The following ADARB2 variants were observed in gnomAD, a reference collection of about 807,000 sequenced individuals.
ADARB2 encodes adenosine deaminase RNA specific B2 (inactive), also known as inactive double-stranded RNA-specific editase B2.
Under a neutral mutation model 62.2 loss-of-function variants are expected in ADARB2, and 25 were observed. The observed-to-expected ratio is 0.40, with a 90% CI of 0.29 to 0.56. The LOEUF (loss-of-function observed/expected upper bound fraction) is 0.56. Among genes scored for constraint, ADARB2 ranks in the 20% least tolerant of loss-of-function variants. The pLI, the probability that ADARB2 is intolerant of heterozygous loss-of-function variation, is 0.43. For synonymous variants in ADARB2, 572 were observed against 500.8 expected, an observed-to-expected ratio of 1.14 and a Z score of -1.90; for missense variants, 1,071 against 1,077.4, an observed-to-expected ratio of 0.99 and a Z score of 0.08.
chr10:1,263,060 T>G lies in ADARB2; in HGVS notation c.1192+7895A>C, dbSNP rs1385363295. On this transcript the variant is annotated intron_variant, in intron 4 of 9. Transcript: ENST00000381312. ...AAAACCAAACACTGCATGTTCTCAC[T>G]CATAGGTGGGAATTGAACAATGAGA... Among the ~76,000 whole-genome samples, 6 of 141,508 alleles carry G rather than the reference T, an allele frequency of 4.2e-5. No homozygotes were observed. In the East Asian group the frequency reaches 1.3e-3, roughly 30 times the overall value. 92.8% of individuals were successfully genotyped at this position (141,508 alleles called of 152,430 possible).
chr10:1,387,720 G>T (rs764225655), intron 1 of ADARB2, among the ~76,000 whole-genome samples: 1 of 152,020 alleles, frequency 6.6e-6, no homozygotes, highest in African/African-American at 2.4e-5. Context: ...CTAGAAAAAT[G>T]GAAGGGGGTG....
At chr10:1,369,125 G>T (rs556423449) in intron 2 of ADARB2, among the ~76,000 whole-genome samples, 1 of 152,110 alleles carries the variant, frequency 6.6e-6, no homozygotes, top group South Asian at 2.1e-4. Context: ...CCTTCCACAC[G>T]GAAGGTATTA....
chr10:1,560,768 G>C (rs1224940298), intron 1 of ADARB2, among the ~76,000 whole-genome samples: 1 of 152,246 alleles, frequency 6.6e-6, no homozygotes, highest in Non-Finnish European at 1.5e-5. Context: ...CCAGGGACTT[G>C]TGGACGGTCA....
chr10:1,504,957 CAT>C (rs1268776763), intron 1 of ADARB2, among the ~76,000 whole-genome samples: 1 of 151,958 alleles, frequency 6.6e-6, no homozygotes, highest in Non-Finnish European at 1.5e-5. Context: ...CAGAGACACA[CAT>C]GACACACACA....
chr10:1,540,192 C>CACA (rs1003542438), intron 1 of ADARB2, among the ~76,000 whole-genome samples: 40 of 151,838 alleles, frequency 2.6e-4, no homozygotes, highest in African/African-American at 9.7e-4. Flanking sequence ...TCTTGGCTGA[C>CACA]ACATGTGTTT....
chr10:1,561,296 CAT>C (rs1386100470), intron 1 of ADARB2, among the ~76,000 whole-genome samples: 1 of 152,198 alleles, frequency 6.6e-6, no homozygotes, highest in East Asian at 1.9e-4. Context: ...GACTGGATGT[CAT>C]AGACCCAGAC....
Position 1,322,005 on chromosome 10 carries a change from C to G in ADARB2, c.1077+41023G>C, listed in dbSNP as rs1589191613. On this transcript the variant is annotated intron_variant, in intron 3 of 9. Transcript: ENST00000381312. ...CACAGAAGACACAGAAATGCTCCCT[C>G]TGCATTGTTTCCATCCTGCCTCCTC... 2.6e-5 allele frequency among the ~76,000 whole-genome samples: 4 copies of G among 152,152 alleles called. No homozygotes were observed. In the South Asian group the frequency reaches 8.3e-4, roughly 32 times the overall value.
chr10:1,528,128 C>T (rs4880859), intron 1 of ADARB2, among the ~76,000 whole-genome samples: 34,415 of 152,096 alleles, frequency 0.23, 4,054 homozygotes, highest in Non-Finnish European at 0.25. Flanking sequence ...AACTCGTGTC[C>T]GCGGCTGTGG....
chr10:1,612,969 G>A lies in ADARB2; in HGVS notation c.100+124082C>T, dbSNP rs376125408. ...TATAGTGTCTGAAGTTTTGATGAAA[G>A]CTGTTGATAATGGGTTGTGAACAAG... is the stretch of plus-strand genomic sequence containing the variant. On this transcript the variant is annotated intron_variant, in intron 1 of 9. Transcript: ENST00000381312. Among the ~76,000 whole-genome samples, 3 of 152,208 alleles carry A rather than the reference G, an allele frequency of 2.0e-5. No homozygotes were observed. In the East Asian group the frequency reaches 5.8e-4, roughly 29 times the overall value.
chr10:1,735,458 C>G (rs1835289046), intron 1 of ADARB2, among the ~76,000 whole-genome samples: 1 of 152,154 alleles, frequency 6.6e-6, no homozygotes, highest in Non-Finnish European at 1.5e-5. Flanking sequence ...ACTCCACATT[C>G]TTCAACTCTA....
intron 1 of ADARB2, among the ~76,000 whole-genome samples, chr10:1,506,248 G>T (rs1451049820): frequency 6.6e-6 from 1 of 152,106 alleles, no homozygotes; most frequent in African/African-American, 2.4e-5. Flanking sequence ...TTTGAATTTT[G>T]TCGTGCGGCT....
intron 1 of ADARB2, among the ~76,000 whole-genome samples, chr10:1,650,605 C>T (rs527552571): frequency 6.6e-6 from 1 of 152,322 alleles, no homozygotes; most frequent in Non-Finnish European, 1.5e-5. Context: ...TGCTATCGGT[C>T]CGTGAAAGGT....
At position 1,515,275 on chromosome 10, in the gene ADARB2, C is replaced by T. The variant is rs375594818; in HGVS notation, c.101-136115G>A. ...GGGCAGGCGGGCACACAGTGTGGCT[C>T]GTGCCTGGATCCCCCGCTGGGAACC... is the stretch of plus-strand genomic sequence containing the variant. On this transcript the variant is annotated intron_variant, in intron 1 of 9. Transcript: ENST00000381312. Among the ~76,000 whole-genome samples, 102 of 152,322 alleles carry T rather than the reference C, an allele frequency of 6.7e-4. 1 individual carries two copies. The South Asian group carries it at 0.018, about 27-fold the overall frequency.
chr10:1,305,333 C>T (rs1457289617), intron 3 of ADARB2, among the ~76,000 whole-genome samples: 2 of 151,892 alleles, frequency 1.3e-5, no homozygotes. Flanking sequence ...ACACATACAT[C>T]CTCCCAAGAC....
chr10:1,505,687 TTCCGTC>T (rs1408948295), intron 1 of ADARB2, among the ~76,000 whole-genome samples: 5 of 114,318 alleles, frequency 4.4e-5, no homozygotes, highest in Non-Finnish European at 1.1e-4. Context: ...GTTCTGCCAC[TTCCGTC>T]CCCACCGTGG....
At chr10:1,626,699 A>C (rs1047946519) in intron 1 of ADARB2, among the ~76,000 whole-genome samples, 4 of 152,192 alleles carry the variant, frequency 2.6e-5, no homozygotes, top group African/African-American at 9.6e-5. Context: ...CCATGGGCAG[A>C]GGGAAGGTGG....
At chr10:1,241,953 C>T (rs1036563477) in intron 5 of ADARB2, among the ~76,000 whole-genome samples, 178 bp downstream of exon 5, 7 of 152,192 alleles carry the variant, frequency 4.6e-5, no homozygotes, top group South Asian at 2.1e-4. Flanking sequence ...GCGCACACGG[C>T]GGCTTTATTG....
At chr10:1,409,869 T>C (rs577638622) in intron 1 of ADARB2, among the ~76,000 whole-genome samples, 3 of 107,372 alleles carry the variant, frequency 2.8e-5, no homozygotes, top group South Asian at 3.9e-4. Flanking sequence ...TCATTGGTGC[T>C]GAGGCCTGGC....
chr10:1,667,573 C>T (rs1834329766), intron 1 of ADARB2, among the ~76,000 whole-genome samples: 2 of 152,130 alleles, frequency 1.3e-5, no homozygotes, highest in South Asian at 2.1e-4. Context: ...CTGAGAGGTC[C>T]TTGTTTTCAC....
Sources: gnomAD v4.1 joint callset for allele counts (sites outside exome capture counted in the v4.1 genomes callset) on GRCh38, gnomAD v4.1.1 for gene constraint, MANE v1.5 for transcripts, NCBI Gene and HGNC (gene_info 2026-07-23, HGNC 2026-07-21) for gene names.